Variants in ZNF333 observed in about 807,000 individuals in gnomAD.
The protein encoded by ZNF333 is zinc finger protein 333.
Under a neutral mutation model 76.1 loss-of-function variants are expected in ZNF333, and 61 were observed. That is an observed-to-expected ratio of 0.80 (90% CI 0.65 to 0.99). ZNF333 has a LOEUF of 0.99. ZNF333 is among the 50% of genes least tolerant of loss of function. The pLI is 0.00. For missense variants in ZNF333, 717 were observed against 822.4 expected (o/e 0.87, Z 1.57); for synonymous variants, 284 against 305.0 (o/e 0.93, Z 0.72).
intron 11 of ZNF333, 99 bp from the exon 12 acceptor site, chr19:14,718,129 A>G (rs1039849128): frequency 2.7e-5 from 40 of 1,460,082 alleles, no homozygotes; most frequent in Admixed American, 4.8e-5. Flanking sequence ...TAAAAGTATC[A>G]GATATAGAAC....
In ZNF333 at chr19:14,731,603, G is replaced by A. The variant is rs150506155; in HGVS notation, c.*417G>A. On this transcript the variant is annotated 3_prime_UTR_variant, in exon 12 of 12. Transcript: ENST00000540689. ...CCTTTGTCTGCTGTCTTTGGTGGGCGTGGTCTTGTACTTAAAATCCAGCTG... is the reference window on the plus strand; with the variant it reads ...CCTTTGTCTGCTGTCTTTGGTGGGCATGGTCTTGTACTTAAAATCCAGCTG... 543 of 166,584 alleles carry A rather than the reference G, an allele frequency of 3.3e-3. 1 individual carries two copies. The highest frequency in any genetic ancestry group is 4.0e-3 in the Non-Finnish European group (312 of 78,074). The allele number at this position is 166,584 out of a possible 1,614,324, so 10.3% of individuals were successfully genotyped here.
intron 6 of ZNF333, 112 bp downstream of exon 6, chr19:14,705,282 G>A: frequency 1.1e-6 from 1 of 885,948 alleles, no homozygotes; most frequent in South Asian, 1.6e-5. Flanking sequence ...TTTGGGGCCT[G>A]TAGGAGGCCC....
chr19:14,719,093 C>T lies in ZNF333; in HGVS notation c.1766C>T (p.Pro589Leu). The stretch of plus-strand genomic sequence containing the variant: ...GCAAGGACTCACAGTGGCAAGAAGC[C>T]CTATGCATGCCAGGAATGCGGGCGA... Reference protein sequence around the residue: ...KHARTHSGKKPYACQECGRAF... With the variant: ...KHARTHSGKKLYACQECGRAF... The change falls in exon 12 of 12, where the codon CCC becomes CTC. Residue 589 changes from proline to leucine, a missense_variant. By Grantham distance (98) the Pro-to-Leu change is moderately conservative. Transcript: ENST00000292530. The T allele has an allele frequency of 6.2e-7, 1 of 1,614,166 alleles. No individual in the cohort carries two copies. Among genetic ancestry groups the T allele is most frequent in the Non-Finnish European group, 8.5e-7 (1 of 1,180,006 alleles).
chr19:14,698,873 T>G (rs1388748040), intron 4 of ZNF333, among the ~76,000 whole-genome samples: 2 of 143,360 alleles, frequency 1.4e-5, no homozygotes, highest in Non-Finnish European at 3.0e-5. Flanking sequence ...AAAAAACATG[T>G]ATGTGTGTAC....
At chr19:14,694,387 C>G (rs571314177) in intron 2 of ZNF333, among the ~76,000 whole-genome samples, 1 of 151,816 alleles carries the variant, frequency 6.6e-6, no homozygotes, top group Non-Finnish European at 1.5e-5. Context: ...GTAGGAAAAT[C>G]GCTTGAACCC....
Position 14,716,986 on chromosome 19 carries a change from A to T in ZNF333, c.728-8A>T. 3 of 1,607,616 alleles carry T rather than the reference A, an allele frequency of 1.9e-6. No individual in the cohort carries two copies. Among genetic ancestry groups the T allele is most frequent in the South Asian group, 2.2e-5 (2 of 89,830 alleles). ...CTCGCACAACATGTGTTTTTTTCTC[A>T]TGAGCAGCTGATCAACTGTGCAAAC... On this transcript the variant is annotated splice_polypyrimidine_tract_variant and splice_region_variant and intron_variant, in intron 9 of 11. Transcript: ENST00000292530.
chr19:14,711,956 C>T (rs2042289184), intron 7 of ZNF333, among the ~76,000 whole-genome samples: 1 of 151,862 alleles, frequency 6.6e-6, no homozygotes, highest in African/African-American at 2.4e-5. Flanking sequence ...GGGAGGAGAC[C>T]TCAGGATGGG....
intron 11 of ZNF333, 110 bp downstream of exon 11, chr19:14,717,843 GT>G: frequency 1.8e-6 from 2 of 1,088,208 alleles, no homozygotes; most frequent in Non-Finnish European, 2.7e-6. Flanking sequence ...GGCAAGAAGT[GT>G]TTACCCAGAA....
downstream of ZNF333, among the ~76,000 whole-genome samples, chr19:14,722,252 G>A (rs11669065): frequency 0.16 from 24,915 of 152,190 alleles, 2,333 homozygotes; most frequent in Middle Eastern, 0.26. Context: ...TGACTTTGCA[G>A]CTCCTCCTAT....
chr19:14,701,105 G>T (rs1031710151), intron 5 of ZNF333, among the ~76,000 whole-genome samples: 1 of 152,230 alleles, frequency 6.6e-6, no homozygotes, highest in Non-Finnish European at 1.5e-5. Context: ...CCCTCCAGTA[G>T]CTCCTTGGGA....
chr19:14,697,613 G>A (rs925376874), intron 4 of ZNF333, among the ~76,000 whole-genome samples: 3 of 151,998 alleles, frequency 2.0e-5, no homozygotes, highest in Admixed American at 1.3e-4. Context: ...CTCCCACCTT[G>A]GCCTCCCAGA....
chr19:14,712,687 C>T (rs545264743), intron 7 of ZNF333, among the ~76,000 whole-genome samples: 1 of 152,276 alleles, frequency 6.6e-6, no homozygotes, highest in African/African-American at 2.4e-5. Flanking sequence ...CTTGTGGATG[C>T]AGCCCTCCCG....
At chr19:14,696,443 G>A (rs1973198111) in intron 4 of ZNF333, among the ~76,000 whole-genome samples, 1 of 152,100 alleles carries the variant, frequency 6.6e-6, no homozygotes, top group Admixed American at 6.6e-5. Context: ...ATCATAAGTA[G>A]CCTTTGGTAT....
chr19:14,721,064 T>TC lies in ZNF333; in HGVS notation c.*1739_*1740insC. On this transcript the variant is annotated 3_prime_UTR_variant, in exon 12 of 12. Transcript: ENST00000292530. ...GTAAATACTTATTTAGAGTTTACTA[T>TC]TAATAGATAGTAGCCACTGCCTGAA... 15 of 737,884 alleles carry TC rather than the reference T, an allele frequency of 2.0e-5. No homozygotes were observed. The highest frequency in any genetic ancestry group is 1.3e-4 in the East Asian group (1 of 7,648). 45.7% of individuals were successfully genotyped at this position (737,884 alleles called of 1,614,324 possible).
intron 5 of ZNF333, among the ~76,000 whole-genome samples, chr19:14,699,883 C>T (rs922892916): frequency 1.3e-5 from 2 of 152,128 alleles, no homozygotes; most frequent in Non-Finnish European, 1.5e-5. Context: ...GCTGGCAACA[C>T]ACTCGACGAA....
intron 8 of ZNF333, 120 bp downstream of exon 8, chr19:14,715,590 G>A (rs2042407606): frequency 2.2e-6 from 2 of 900,664 alleles, no homozygotes; most frequent in East Asian, 5.5e-5. Flanking sequence ...CAGGGACTGG[G>A]CCTCTTGCAG....
chr19:14,695,894 G>C (rs956882157), intron 4 of ZNF333, among the ~76,000 whole-genome samples: 1 of 152,138 alleles, frequency 6.6e-6, no homozygotes, highest in Non-Finnish European at 1.5e-5. Flanking sequence ...TAAAAAATTA[G>C]AGGGCCAGGT....
chr19:14,732,620 G>C (rs977665216), exon 12 of ZNF333: 7 of 152,164 alleles, frequency 4.6e-5, no homozygotes, highest in African/African-American at 1.7e-4. Flanking sequence ...GCTAAGAATA[G>C]TTTTTACATT....
At chr19:14,699,881 C>G (rs977385724) in intron 5 of ZNF333, among the ~76,000 whole-genome samples, 2 of 152,142 alleles carry the variant, frequency 1.3e-5, no homozygotes, top group African/African-American at 4.8e-5. Flanking sequence ...GAGCTGGCAA[C>G]ACACTCGACG....
Sources: gnomAD v4.1 joint callset for allele counts (sites outside exome capture counted in the v4.1 genomes callset) on GRCh38, gnomAD v4.1.1 for gene constraint, MANE v1.5 for transcripts, NCBI Gene and HGNC (gene_info 2026-07-23, HGNC 2026-07-21) for gene names.